VPS41: variants seen among roughly 807,000 people sequenced by gnomAD.
VPS41 encodes vacuolar protein sorting-associated protein 41 homolog.
VPS41 carries 85 observed loss-of-function variants against 130.9 expected under a neutral mutation model. The observed-to-expected ratio is 0.65, with a 90% CI of 0.55 to 0.78. The LOEUF is 0.78. Ranked by LOEUF, VPS41 falls within the 30% of genes least tolerant of loss-of-function variation. VPS41 has a pLI of 0.00. For synonymous variants in VPS41, 335 were observed against 332.9 expected (o/e 1.01, Z -0.07); for missense variants, 874 against 1,018.7 (o/e 0.86, Z 1.93).
intron 4 of VPS41, among the ~76,000 whole-genome samples, chr7:38,852,314 A>G (rs1382968642): frequency 2.0e-5 from 3 of 152,200 alleles, no homozygotes; most frequent in Non-Finnish European, 4.4e-5. Flanking sequence ...GTCAGATCAC[A>G]CCTCATTATC....
At chr7:38,896,552 A>G (rs1786997956) in intron 2 of VPS41, among the ~76,000 whole-genome samples, 2 of 152,212 alleles carry the variant, frequency 1.3e-5, no homozygotes, top group Admixed American at 6.5e-5. Flanking sequence ...TTTCTGCTGC[A>G]ATTTTTTTTA....
intron 8 of VPS41, 183 bp downstream of exon 8, chr7:38,796,562 T>C (rs899922112): frequency 1.4e-5 from 12 of 839,916 alleles, no homozygotes; most frequent in Admixed American, 1.4e-4. Context: ...GGAATTACTA[T>C]ATTATGAAAG....
At chr7:38,880,782 G>A (rs1786587888) in intron 2 of VPS41, among the ~76,000 whole-genome samples, 1 of 152,206 alleles carries the variant, frequency 6.6e-6, no homozygotes, top group South Asian at 2.1e-4. Flanking sequence ...AGCATTTCTT[G>A]AGCCTGCAGA....
intron 4 of VPS41, among the ~76,000 whole-genome samples, chr7:38,853,889 G>A (rs1257664972): frequency 3.9e-5 from 6 of 152,190 alleles, no homozygotes; most frequent in Non-Finnish European, 1.5e-5. Context: ...CATTCAGTAA[G>A]TATGACACTT....
intron 2 of VPS41, among the ~76,000 whole-genome samples, chr7:38,881,863 G>A (rs1324839175): frequency 6.6e-6 from 1 of 151,926 alleles, no homozygotes; most frequent in East Asian, 1.9e-4. Flanking sequence ...TGGGGCCAGG[G>A]TGCCTATCCT....
intron 4 of VPS41, among the ~76,000 whole-genome samples, chr7:38,851,690 A>C (rs6979423): frequency 0.93 from 140,997 of 152,244 alleles, 65,461 homozygotes; most frequent in East Asian, 0.99. Flanking sequence ...AAAGGGTGGA[A>C]TGTATGATAG....
chr7:38,754,011 T>C (rs1783735741), intron 21 of VPS41, among the ~76,000 whole-genome samples: 1 of 152,202 alleles, frequency 6.6e-6, no homozygotes, highest in African/African-American at 2.4e-5. Context: ...CTAAGTTTTC[T>C]CTTGTATAAC....
intron 2 of VPS41, among the ~76,000 whole-genome samples, chr7:38,877,479 T>C (rs1469839492): frequency 6.6e-6 from 1 of 152,206 alleles, no homozygotes; most frequent in Non-Finnish European, 1.5e-5. Context: ...ATAGAGGTCC[T>C]GCAAACTCAG....
chr7:38,881,271 G>A (rs1786599979), intron 2 of VPS41, among the ~76,000 whole-genome samples: 1 of 152,052 alleles, frequency 6.6e-6, no homozygotes, highest in South Asian at 2.1e-4. Flanking sequence ...CTTGGCTGTG[G>A]GCCCTTCTTC....
intron 28 of VPS41, 98 bp downstream of exon 28, chr7:38,726,811 C>T: frequency 2.8e-6 from 3 of 1,060,990 alleles, no homozygotes; most frequent in Non-Finnish European, 2.6e-6. Flanking sequence ...TTTTTTTTAA[C>T]CCATACAGCC....
Position 38,725,097 on chromosome 7 carries a change from T to C in VPS41, c.*1149A>G, listed in dbSNP as rs903602492. ...ACTTCGGTAGCTGGCATGCTGTCAG[T>C]ACTCACTAGCACCCTGTCCTTTCCC... On this transcript the variant is annotated 3_prime_UTR_variant, in exon 29 of 29. Transcript: ENST00000310301. 2 of 152,280 alleles carry C rather than the reference T, an allele frequency of 1.3e-5. No homozygotes were observed. Among genetic ancestry groups the C allele is most frequent in the African/African-American group, 2.4e-5 (1 of 41,462 alleles). The allele number at this position is 152,280 out of a possible 1,614,324, so 9.4% of individuals were successfully genotyped here.
At chr7:38,838,250 T>C (rs558701352) in intron 4 of VPS41, among the ~76,000 whole-genome samples, 36 of 146,188 alleles carry the variant, frequency 2.5e-4, no homozygotes, top group Non-Finnish European at 3.8e-4. Flanking sequence ...AAAAAAAAAA[T>C]GGAAAGAGAG....
intron 10 of VPS41, among the ~76,000 whole-genome samples, chr7:38,777,895 C>G (rs960339149): frequency 6.6e-6 from 1 of 152,168 alleles, no homozygotes; most frequent in Non-Finnish European, 1.5e-5. Context: ...AAAGGAATGA[C>G]AGTAGAAATA....
intron 22 of VPS41, among the ~76,000 whole-genome samples, chr7:38,748,561 G>T (rs758368061): frequency 6.7e-6 from 1 of 150,336 alleles, no homozygotes; most frequent in Non-Finnish European, 1.5e-5. Context: ...AGATATGAGA[G>T]CGATCACAAA....
intron 1 of VPS41, among the ~76,000 whole-genome samples, chr7:38,900,436 T>C (rs546025846): frequency 6.6e-6 from 1 of 152,022 alleles, no homozygotes; most frequent in South Asian, 2.1e-4. Context: ...ATTTAATGGA[T>C]ACAATATATA....
chr7:38,757,459 C>T (rs1210750136), intron 18 of VPS41, among the ~76,000 whole-genome samples: 1 of 152,158 alleles, frequency 6.6e-6, no homozygotes, highest in Non-Finnish European at 1.5e-5. Flanking sequence ...CATTAAGTCC[C>T]TAAGTCAGCT....
intron 25 of VPS41, among the ~76,000 whole-genome samples, 178 bp from the exon 26 acceptor site, chr7:38,728,969 C>T (rs1323796971): frequency 6.6e-6 from 1 of 152,144 alleles, no homozygotes; most frequent in Non-Finnish European, 1.5e-5. Flanking sequence ...GCTGACCTGG[C>T]CAGCCAGGAT....
At chr7:38,777,141 A>G (rs1183995577) in intron 10 of VPS41, among the ~76,000 whole-genome samples, 1 of 152,218 alleles carries the variant, frequency 6.6e-6, no homozygotes, top group Non-Finnish European at 1.5e-5. Flanking sequence ...AACAGTAATA[A>G]TTTTTTAAAA....
intron 7 of VPS41, among the ~76,000 whole-genome samples, chr7:38,811,531 CT>C (rs1385298037): frequency 1.3e-5 from 2 of 151,614 alleles, no homozygotes; most frequent in African/African-American, 4.8e-5. Context: ...ATTATAATGG[CT>C]TTTTTAAATA....
Sources: allele counts gnomAD v4.1 joint callset (sites outside exome capture counted in the v4.1 genomes callset), GRCh38; gene constraint gnomAD v4.1.1; transcripts MANE v1.5; gene names NCBI Gene and HGNC (gene_info 2026-07-23, HGNC 2026-07-21).